The following NTRK2 variants were observed in gnomAD, a reference collection of about 807,000 sequenced individuals.
The protein encoded by NTRK2 is neurotrophic receptor tyrosine kinase 2.
Under a neutral mutation model 94.5 loss-of-function variants are expected in NTRK2, and 13 were observed. The ratio of observed to expected loss-of-function variants is 0.14; its 90% confidence interval spans 0.09 to 0.22. The LOEUF (loss-of-function observed/expected upper bound fraction) is 0.22, where lower values mean the gene tolerates loss of function less well. NTRK2 is among the 10% of genes least tolerant of loss of function. NTRK2 has a pLI of 1.00. For missense variants in NTRK2, 639 were observed against 1,071.2 expected, an observed-to-expected ratio of 0.60 and a Z score of 5.63; for synonymous variants, 372 against 407.4, an observed-to-expected ratio of 0.91 and a Z score of 1.05.
chr9:84,775,946 C>T (rs1199608196), intron 12 of NTRK2, among the ~76,000 whole-genome samples: 1 of 152,066 alleles, frequency 6.6e-6, no homozygotes, highest in African/African-American at 2.4e-5. Flanking sequence ...AACATTAAGG[C>T]CAGTCTTCGT....
chr9:84,694,291 G>C (rs1253173585), intron 2 of NTRK2, among the ~76,000 whole-genome samples: 2 of 152,178 alleles, frequency 1.3e-5, no homozygotes, highest in Non-Finnish European at 2.9e-5. Context: ...TTTGTTAGGA[G>C]ACAGTCCCTG....
At chr9:84,923,637 C>T (rs926347433) in intron 14 of NTRK2, among the ~76,000 whole-genome samples, 1 of 152,144 alleles carries the variant, frequency 6.6e-6, no homozygotes, top group East Asian at 1.9e-4. Flanking sequence ...GTAGTAGCAG[C>T]GTGGTGTGGT....
At chr9:85,009,522 C>G (rs757972219) in intron 17 of NTRK2, among the ~76,000 whole-genome samples, 48 of 152,118 alleles carry the variant, frequency 3.2e-4, no homozygotes, top group Non-Finnish European at 6.3e-4. Flanking sequence ...CTGCTTGTAG[C>G]ATGTGCACTT....
intron 9 of NTRK2, among the ~76,000 whole-genome samples, chr9:84,734,186 C>T (rs1313589469): frequency 6.6e-6 from 1 of 152,180 alleles, no homozygotes; most frequent in African/African-American, 2.4e-5. Context: ...GTGTCAGCCC[C>T]AGCTTAGAAG....
intron 11 of NTRK2, among the ~76,000 whole-genome samples, chr9:84,749,393 C>T (rs1333400303): frequency 1.3e-5 from 2 of 152,156 alleles, no homozygotes; most frequent in Non-Finnish European, 1.5e-5. Context: ...ATGCTCTTCT[C>T]ATCTGACATG....
chr9:84,793,437 C>G (rs17087705), intron 12 of NTRK2, among the ~76,000 whole-genome samples: 6,216 of 152,178 alleles, frequency 0.041, 198 homozygotes, highest in South Asian at 0.12. Flanking sequence ...TATGTCTGCA[C>G]TGATAATTGA....
chr9:84,885,900 C>T (rs10746751), intron 14 of NTRK2, among the ~76,000 whole-genome samples: 69,056 of 151,578 alleles, frequency 0.46, 17,930 homozygotes, highest in South Asian at 0.6. Flanking sequence ...GGTGTGGTGG[C>T]GGCGCCTGTA....
At chr9:84,923,681 A>C (rs2017441) in intron 14 of NTRK2, among the ~76,000 whole-genome samples, 74,425 of 151,912 alleles carry the variant, frequency 0.49, 19,432 homozygotes, top group African/African-American at 0.68. Context: ...TTTTGGAAGG[A>C]CGAGGCGGGC....
chr9:84,859,961 A>C (rs1279841209), intron 12 of NTRK2, among the ~76,000 whole-genome samples: 1 of 152,148 alleles, frequency 6.6e-6, no homozygotes. Context: ...TTCGGATTAG[A>C]AGTTGGGGGG....
intron 17 of NTRK2, among the ~76,000 whole-genome samples, chr9:85,008,659 C>A (rs556619690): frequency 6.6e-6 from 1 of 152,220 alleles, no homozygotes; most frequent in South Asian, 2.1e-4. Context: ...TGATGTCTTG[C>A]CCAAAATCAC....
rs144001752 is a variant in NTRK2, at chr9:84,996,983, C to T, written c.2173-23223C>T. Among the ~76,000 whole-genome samples, 32 of 152,230 alleles carry T rather than the reference C, an allele frequency of 2.1e-4. No individual in the cohort carries two copies. The East Asian group carries it at 3.3e-3, about 16-fold the overall frequency. On this transcript the variant is annotated intron_variant, in intron 17 of 18. Transcript: ENST00000277120. ...GTGGCTGTTTCAATGCAGTACGGCC[C>T]GTATGCAGAGTCACCTGGGGCTTTG...
At chr9:84,840,868 C>T (rs953353539) in intron 12 of NTRK2, among the ~76,000 whole-genome samples, 3 of 152,174 alleles carry the variant, frequency 2.0e-5, no homozygotes, top group African/African-American at 7.2e-5. Context: ...AGTCCCATAG[C>T]CCCTCCCAGT....
chr9:84,818,957 C>T (rs1356575859), intron 12 of NTRK2, among the ~76,000 whole-genome samples: 1 of 152,182 alleles, frequency 6.6e-6, no homozygotes, highest in Non-Finnish European at 1.5e-5. Flanking sequence ...CTCGAATGTC[C>T]CGTCTGGCAG....
At chr9:84,882,732 G>GCGCGCGCGCGCGCA (rs1308161886) in intron 14 of NTRK2, among the ~76,000 whole-genome samples, 1 of 151,570 alleles carries the variant, frequency 6.6e-6, no homozygotes, top group Non-Finnish European at 1.5e-5. Context: ...GCGCGCGCGC[G>GCGCGCGCGCGCGCA]CATGTGTGCA....
At chr9:84,855,838 C>T (rs2075038954) in intron 12 of NTRK2, among the ~76,000 whole-genome samples, 1 of 152,152 alleles carries the variant, frequency 6.6e-6, no homozygotes, top group Non-Finnish European at 1.5e-5. Flanking sequence ...GCCATAACTT[C>T]CAAGCTTGCC....
At chr9:85,009,666 A>G (rs1831350279) in intron 17 of NTRK2, among the ~76,000 whole-genome samples, 1 of 152,202 alleles carries the variant, frequency 6.6e-6, no homozygotes. Context: ...AATTTGTTAT[A>G]TTATTTCTTA....
intron 12 of NTRK2, chr9:84,810,419 A>G (rs2071644125): frequency 1.1e-6 from 1 of 925,972 alleles, no homozygotes; most frequent in Non-Finnish European, 1.7e-6. Flanking sequence ...AGTGTATTCC[A>G]TGTTGTGTCT....
chr9:84,670,680 C>G lies in NTRK2; in HGVS notation c.-69C>G, dbSNP rs1187325. 853,968 of 1,533,026 alleles carry G rather than the reference C, an allele frequency of 0.56. 241,239 individuals carry two copies. The highest frequency in any genetic ancestry group is 0.63 in the Admixed American group (37,535 of 59,868). The allele number at this position is 1,533,026 out of a possible 1,614,324, so 95.0% of individuals were successfully genotyped here. A position where few individuals can be genotyped will look rare whatever the true frequency, so the allele number is the denominator to read the frequency against. On this transcript the variant is annotated 5_prime_UTR_variant, in exon 2 of 19. Coordinates refer to ENST00000277120, the MANE Select transcript of NTRK2 (RefSeq NM_006180.6). ...GCCGCAAGCGCAGGGAAGGCCTCCCCGCACGGGTGGGGGAAAGCGGCCGGT... is the reference window on the plus strand; with the variant it reads ...GCCGCAAGCGCAGGGAAGGCCTCCCGGCACGGGTGGGGGAAAGCGGCCGGT...
At chr9:84,872,057 C>T (rs2075885126) in intron 14 of NTRK2, 3 of 1,391,144 alleles carry the variant, frequency 2.2e-6, no homozygotes, top group Non-Finnish European at 2.8e-6. Flanking sequence ...AGACCCATCT[C>T]CTCGATCAAT....
Sources: allele counts gnomAD v4.1 joint callset (sites outside exome capture counted in the v4.1 genomes callset), GRCh38; gene constraint gnomAD v4.1.1; transcripts MANE v1.5; gene names NCBI Gene and HGNC (gene_info 2026-07-23, HGNC 2026-07-21).